The following BDP1 variants were observed in gnomAD, a reference collection of about 807,000 sequenced individuals.
BDP1 encodes transcription factor TFIIIB component B'' homolog.
A neutral mutation model predicts 266.6 loss-of-function variants in BDP1; 169 were observed. The ratio of observed to expected loss-of-function variants is 0.63; its 90% CI spans 0.56 to 0.72. BDP1 has a LOEUF of 0.72. Ranked by LOEUF, BDP1 falls within the 30% of genes least tolerant of loss-of-function variation. The pLI is 0.00. For missense variants in BDP1, 3,015 were observed against 3,053.8 expected, an observed-to-expected ratio of 0.99 and a Z score of 0.30; for synonymous variants, 1,090 against 1,022.4, an observed-to-expected ratio of 1.07 and a Z score of -1.26.
rs745845325 is a variant in BDP1, at chr5:71,509,767, T to C, written c.2675T>C (p.Ile892Thr). ...CCCAGGGAGAAGATTCTAGATGTGA[T>C]TGATGACACCATAGAAATGGAGACA... ...ISPREKILDVIDDTIEMETGL... is the reference protein window; with the variant it reads ...ISPREKILDVTDDTIEMETGL... Residue 892 changes from isoleucine to threonine, a missense_variant, in exon 17 of 39, where the codon ATT becomes ACT. This residue lies in a region of BDP1 where 2,383 missense variants were observed against 2,404.9 expected (regional missense o/e 0.99). Coordinates refer to ENST00000358731, the MANE Select transcript of BDP1 (RefSeq NM_018429.3). The C allele has an allele frequency of 1.1e-5, 18 of 1,614,044 alleles. No individual in the cohort carries two copies. In the African/African-American group the frequency reaches 1.2e-4, roughly 11 times the overall value.
Position 71,504,683 on chromosome 5 carries a change from G to T in BDP1, c.2304G>T (p.Gln768His). 6.2e-7 allele frequency: 1 copy of T among 1,613,576 alleles called. No homozygotes were observed. Among genetic ancestry groups the T allele is most frequent in the South Asian group, 1.1e-5 (1 of 91,066 alleles). ...TTGAAGAGGAAGATGTCATATTACAGCCTGAGAAAAATGATTCTTTTCAAA... is the reference window on the plus strand; with the variant it reads ...TTGAAGAGGAAGATGTCATATTACATCCTGAGAAAAATGATTCTTTTCAAA... Reference protein sequence around the residue: ...KDFEEEDVILQPEKNDSFQNV... With the variant: ...KDFEEEDVILHPEKNDSFQNV... Residue 768 changes from glutamine (Q) to histidine (H), a missense_variant, in exon 16 of 39, where the codon CAG becomes CAT. Gln to His is a conservative substitution (Grantham distance 24, BLOSUM62 0). Coordinates refer to ENST00000358731, the MANE Select transcript of BDP1 (RefSeq NM_018429.3).
chr5:71,539,510 T>G, intron 27 of BDP1, 47 bp from the exon 28 acceptor site: 1 of 1,452,148 alleles, frequency 6.9e-7, no homozygotes, highest in Non-Finnish European at 9.6e-7. Flanking sequence ...AGTGAACAGA[T>G]TTCCGGATTC....
intron 7 of BDP1, among the ~76,000 whole-genome samples, chr5:71,471,442 T>C (rs7728577): frequency 0.81 from 123,280 of 152,148 alleles, 50,189 homozygotes; most frequent in East Asian, 0.88. Context: ...TCATGCCCGG[T>C]TGAGGGTAGC....
chr5:71,519,014 T>G (rs1765363903), intron 22 of BDP1, among the ~76,000 whole-genome samples: 1 of 151,716 alleles, frequency 6.6e-6, no homozygotes. Context: ...GAGATGGGGT[T>G]TCACCATGTT....
In BDP1 at chr5:71,532,347, G is replaced by T. The variant is rs770846961; in HGVS notation, c.5812G>T (p.Ala1938Ser). The change falls in exon 26 of 39, where the codon GCT (alanine) becomes TCT (serine). Residue 1938 changes from alanine to serine, a missense_variant. This residue lies in a region of BDP1 where 2,383 missense variants were observed against 2,404.9 expected (regional missense o/e 0.99). Coordinates refer to ENST00000358731, the MANE Select transcript of BDP1 (RefSeq NM_018429.3). Reference sequence around the variant, plus strand: ...GAATGTCCCAGATGTAGGATGCATAGCTGTTGTTGAACATGAGCTACCAAA... The same window carrying T: ...GAATGTCCCAGATGTAGGATGCATATCTGTTGTTGAACATGAGCTACCAAA... The part of the protein sequence containing the change: ...TVNVPDVGCI[A>S]VVEHELPNTD... The T allele has an allele frequency of 9.3e-6, 15 of 1,613,414 alleles. No homozygotes were observed. The East Asian group carries it at 3.3e-4, about 36-fold the overall frequency.
At chr5:71,522,177 A>T in intron 22 of BDP1, 112 bp from the exon 23 acceptor site, 2 of 774,282 alleles carry the variant, frequency 2.6e-6, no homozygotes, top group Non-Finnish European at 4.3e-6. Context: ...ATTTATATAT[A>T]GTCCTTTGAA....
At chr5:71,536,243 G>T (rs1220038769) in intron 26 of BDP1, among the ~76,000 whole-genome samples, 2 of 152,120 alleles carry the variant, frequency 1.3e-5, no homozygotes, top group Non-Finnish European at 2.9e-5. Flanking sequence ...AAAAAGCCAT[G>T]TATTGTAATT....
At position 71,497,318 on chromosome 5, in the gene BDP1, C is replaced by T. The variant is rs1473936087; in HGVS notation, c.1848C>T (p.Phe616=). The change falls in exon 13 of 39, where the codon TTC becomes TTT. Residue 616 remains phenylalanine, a synonymous_variant. Transcript: ENST00000358731. ...ENVKPMLRGR[F]QRPKPNLSRA... is the part of the protein sequence containing the mutation. ...TTAAACCAATGTTGAGAGGTCGCTT[C>T]CAAAGACCTAAACCCAATTTGTCAA... 5 of 1,613,778 alleles carry T rather than the reference C, an allele frequency of 3.1e-6. No homozygotes were observed. Among genetic ancestry groups the T allele is most frequent in the Non-Finnish European group, 3.4e-6 (4 of 1,179,866 alleles).
Position 71,553,117 on chromosome 5 carries a change from A to G in BDP1, c.6997A>G (p.Ile2333Val). 1 of 1,609,296 alleles carries G rather than the reference A, an allele frequency of 6.2e-7. No homozygotes were observed. The highest frequency in any genetic ancestry group is 8.5e-7 in the Non-Finnish European group (1 of 1,178,378). Residue 2333 changes from isoleucine (I) to valine (V), a missense_variant and splice_region_variant, in exon 35 of 39, where the codon ATT becomes GTT. Ile to Val is a conservative substitution (Grantham distance 29, BLOSUM62 3). Around this residue, in one of 3 missense-constraint regions of BDP1, gnomAD observed 629 missense variants for 632.5 expected, o/e 0.99. Coordinates refer to ENST00000358731, the MANE Select transcript of BDP1 (RefSeq NM_018429.3). ...VNTEERGDMS[I>V]CLPATSVGQD... ...AGTATGTATTTCTTTTCTATGCAGT[A>G]TTTGTTTACCAGCAACTTCAGTTGG...
At chr5:71,462,005 C>G in intron 3 of BDP1, 79 bp downstream of exon 3, 2 of 809,130 alleles carry the variant, frequency 2.5e-6, no homozygotes, top group South Asian at 3.0e-5. Flanking sequence ...CTCTGTCACC[C>G]GGGCTGGAGT....
At chr5:71,577,422 C>G in the BDP1 span, among the ~76,000 whole-genome samples, 2 of 152,218 alleles carry the variant, frequency 1.3e-5, no homozygotes, top group African/African-American at 4.8e-5. Flanking sequence ...AAAATTAACA[C>G]TGAGTTACAA....
At chr5:71,470,546 A>G in intron 7 of BDP1, 57 bp downstream of exon 7, 2 of 1,117,042 alleles carry the variant, frequency 1.8e-6, no homozygotes, top group Non-Finnish European at 2.7e-6. Context: ...TACAAATGTT[A>G]GTAGTATTAT....
chr5:71,566,343 A>G lies in BDP1; in HGVS notation c.*1458A>G, dbSNP rs1744033710. 1 of 152,416 alleles carries G rather than the reference A, an allele frequency of 6.6e-6. No homozygotes were observed. Among genetic ancestry groups the G allele is most frequent in the Non-Finnish European group, 1.5e-5 (1 of 68,054 alleles). The allele number at this position is 152,416 out of a possible 1,614,324, so 9.4% of individuals were successfully genotyped here. A position where few individuals can be genotyped will look rare whatever the true frequency, so the allele number is the denominator to read the frequency against. On this transcript the variant is annotated 3_prime_UTR_variant, in exon 39 of 39. Coordinates refer to ENST00000358731, the MANE Select transcript of BDP1 (RefSeq NM_018429.3). ...AAGCACGGAACATAATCATGATGTTAAAAACAGAGAAAATAAGGCTTTATA... is the reference window on the plus strand; with the variant it reads ...AAGCACGGAACATAATCATGATGTTGAAAACAGAGAAAATAAGGCTTTATA...
chr5:71,519,079 C>T (rs1765367977), intron 22 of BDP1, among the ~76,000 whole-genome samples: 2 of 152,008 alleles, frequency 1.3e-5, no homozygotes, highest in African/African-American at 2.4e-5. Context: ...CTCAGCCTCC[C>T]AAAGTGCTGG....
At position 71,524,081 on chromosome 5, in the gene BDP1, C is replaced by G; in HGVS notation, c.5530C>G (p.Arg1844Gly). Residue 1844 changes from arginine to glycine, a missense_variant, in exon 25 of 39, where the codon CGT becomes GGT. Transcript: ENST00000358731. The part of the protein sequence containing the change: ...KKFKPNVTRG[R>G]GSKRVRGKTS... ...GTTCAAACCAAATGTCACCAGAGGT[C>G]GTGGATCAAAACGAGTTCGGGGTAA... The G allele has an allele frequency of 6.2e-7, 1 of 1,614,150 alleles. No individual in the cohort carries two copies. The highest frequency in any genetic ancestry group is 8.5e-7 in the Non-Finnish European group (1 of 1,180,032).
chr5:71,463,719 G>C (rs1363699748), intron 3 of BDP1, among the ~76,000 whole-genome samples: 2 of 151,454 alleles, frequency 1.3e-5, no homozygotes, highest in African/African-American at 4.9e-5. Context: ...TCCCAGCTAC[G>C]TGGGAGGCTG....
At chr5:71,542,335 A>C in intron 30 of BDP1, 70 bp downstream of exon 30, 1 of 1,345,090 alleles carries the variant, frequency 7.4e-7, no homozygotes, top group Non-Finnish European at 1.0e-6. Context: ...ATTTCAAAGA[A>C]ATATTTGGTC....
intron 25 of BDP1, among the ~76,000 whole-genome samples, chr5:71,525,680 C>CGGGG (rs542657547): frequency 1.8e-4 from 19 of 107,952 alleles, no homozygotes; most frequent in Middle Eastern, 7.1e-3. Flanking sequence ...GCTGGCCGGG[C>CGGGG]GGGGGGCTGA....
At chr5:71,458,486 T>C in intron 1 of BDP1, 93 bp from the exon 2 acceptor site, 3 of 882,830 alleles carry the variant, frequency 3.4e-6, no homozygotes, top group Non-Finnish European at 5.0e-6. Flanking sequence ...ATTACGAGAT[T>C]GCAGTTTTGG....
Sources: allele counts gnomAD v4.1 joint callset (sites outside exome capture counted in the v4.1 genomes callset), GRCh38; gene constraint gnomAD v4.1.1; regional missense constraint gnomAD v4.1.1; transcripts MANE v1.5; gene names NCBI Gene and HGNC (gene_info 2026-07-23, HGNC 2026-07-21).